Variants in SHTN1 observed in about 807,000 individuals in gnomAD.
SHTN1 encodes shootin-1.
Under a neutral mutation model 83.1 loss-of-function variants are expected in SHTN1, and 42 were observed. That is an observed-to-expected ratio of 0.51 (90% CI 0.39 to 0.65). The LOEUF (loss-of-function observed/expected upper bound fraction) is 0.65. Ranked by LOEUF, SHTN1 falls within the 30% of genes least tolerant of loss-of-function variation. SHTN1 has a pLI of 0.00. For synonymous variants in SHTN1, 224 were observed against 247.7 expected, an observed-to-expected ratio of 0.90 and a Z score of 0.90; for missense variants, 622 against 737.8, an observed-to-expected ratio of 0.84 and a Z score of 1.82.
At chr10:117,005,320 A>G, upstream of SHTN1, 1 of 1,311,940 alleles carries the variant, frequency 7.6e-7, no homozygotes, top group Non-Finnish European at 9.8e-7. Context: ...AGTCCCGTTC[A>G]GGGGGTGGAG....
intron 2 of SHTN1, among the ~76,000 whole-genome samples, chr10:117,024,667 A>G (rs1372063013): frequency 2.6e-5 from 4 of 151,974 alleles, no homozygotes; most frequent in Non-Finnish European, 5.9e-5. Context: ...CTACATGTAA[A>G]TTTTACCTTA....
chr10:116,912,303 A>C (rs1164195137), intron 13 of SHTN1, among the ~76,000 whole-genome samples: 1 of 152,204 alleles, frequency 6.6e-6, no homozygotes, highest in Non-Finnish European at 1.5e-5. Context: ...CAGCTCCACC[A>C]GCTATGGGAG....
At chr10:117,017,794 T>G (rs1554930763) in intron 2 of SHTN1, among the ~76,000 whole-genome samples, 1 of 152,138 alleles carries the variant, frequency 6.6e-6, no homozygotes, top group Non-Finnish European at 1.5e-5. Context: ...AGACGGCAGT[T>G]TAACTAAGTG....
chr10:116,881,584 C>A lies in SHTN1; in HGVS notation c.*4760G>T. On this transcript the variant is annotated 3_prime_UTR_variant, in exon 17 of 17. Coordinates refer to ENST00000355371, the MANE Select transcript of SHTN1 (RefSeq NM_001127211.3). Reference sequence around the variant, plus strand: ...GAAAAGGCTGCGGAGGCACTTGAGGCTGCTGCGGCTAGGGAGCCGCTGGTG... The same window carrying A: ...GAAAAGGCTGCGGAGGCACTTGAGGATGCTGCGGCTAGGGAGCCGCTGGTG... 1 of 1,550,382 alleles carries A rather than the reference C, an allele frequency of 6.5e-7. No individual in the cohort carries two copies. Among genetic ancestry groups the A allele is most frequent in the East Asian group, 2.4e-5 (1 of 40,904 alleles).
At chr10:117,109,666 G>T (rs1321699391) in intron 1 of SHTN1, among the ~76,000 whole-genome samples, 2 of 137,982 alleles carry the variant, frequency 1.4e-5, no homozygotes, top group Non-Finnish European at 1.5e-5. Flanking sequence ...CCAGGTTCAA[G>T]CAATTATCCT....
intron 1 of SHTN1, among the ~76,000 whole-genome samples, chr10:117,112,747 C>G (rs1259188077): frequency 6.6e-6 from 1 of 152,218 alleles, no homozygotes; most frequent in Admixed American, 6.5e-5. Flanking sequence ...TAAAATTTCT[C>G]TTCCTAACTC....
chr10:117,081,702 A>T (rs1302329627), intron 1 of SHTN1, among the ~76,000 whole-genome samples: 12 of 148,860 alleles, frequency 8.1e-5, no homozygotes, highest in African/African-American at 2.2e-4. Flanking sequence ...GATTATTGCC[A>T]CAATTTCAGA....
chr10:117,042,255 A>C lies in SHTN1; in HGVS notation c.-123+6190T>G, dbSNP rs912371128. Reference sequence around the variant, plus strand: ...AGTAGCACTTTCTATGTAATCAGAGAAATGTCATGCTCAGAAGCAAATTTA... The same window carrying C: ...AGTAGCACTTTCTATGTAATCAGAGCAATGTCATGCTCAGAAGCAAATTTA... On this transcript the variant is annotated intron_variant, in intron 2 of 17. Coordinates refer to the SHTN1 transcript ENST00000392901. Among the ~76,000 whole-genome samples the C allele has an allele frequency of 9.2e-5, 14 of 152,326 alleles. 1 individual carries two copies. Among genetic ancestry groups the C allele is most frequent in the Admixed American group, 8.5e-4 (13 of 15,302 alleles).
intron 1 of SHTN1, among the ~76,000 whole-genome samples, chr10:117,094,665 C>T (rs1009086347): frequency 5.3e-5 from 8 of 152,052 alleles, no homozygotes; most frequent in Non-Finnish European, 7.4e-5. Context: ...CTGGTTTGAA[C>T]TTAGAAAGAA....
intron 13 of SHTN1, 67 bp from the exon 14 acceptor site, chr10:116,911,910 T>C: frequency 8.8e-7 from 1 of 1,141,782 alleles, no homozygotes; most frequent in East Asian, 2.3e-5. Context: ...CAATGATTTT[T>C]ACATGGCAAA....
chr10:116,983,264 T>C (rs1229750238), intron 1 of SHTN1, among the ~76,000 whole-genome samples: 1 of 152,124 alleles, frequency 6.6e-6, no homozygotes, highest in African/African-American at 2.4e-5. Context: ...AGTTAACATA[T>C]AAAAGAGTAT....
chr10:117,061,630 CG>C (rs1852905094), intron 1 of SHTN1, among the ~76,000 whole-genome samples: 1 of 151,820 alleles, frequency 6.6e-6, no homozygotes, highest in Non-Finnish European at 1.5e-5. Context: ...CCACCATGCA[CG>C]GCCAATTTTG....
upstream of SHTN1, among the ~76,000 whole-genome samples, chr10:117,009,630 C>T (rs897986596): frequency 1.3e-5 from 2 of 152,040 alleles, no homozygotes; most frequent in Admixed American, 1.3e-4. Flanking sequence ...ACAAGCTGGG[C>T]ACGGTGGCTC....
intron 1 of SHTN1, among the ~76,000 whole-genome samples, chr10:117,096,180 A>G (rs976226269): frequency 6.9e-6 from 1 of 145,426 alleles, no homozygotes; most frequent in Non-Finnish European, 1.5e-5. Flanking sequence ...TCAAAAAAAT[A>G]AAGTGTAACG....
intron 1 of SHTN1, among the ~76,000 whole-genome samples, chr10:116,982,902 G>T (rs1205104573): frequency 6.6e-6 from 1 of 151,914 alleles, no homozygotes; most frequent in Non-Finnish European, 1.5e-5. Flanking sequence ...GGCGGAGGTT[G>T]CAGTGAGCCG....
At chr10:117,063,941 A>G (rs1006231977) in intron 1 of SHTN1, among the ~76,000 whole-genome samples, 12 of 152,210 alleles carry the variant, frequency 7.9e-5, no homozygotes, top group African/African-American at 2.4e-4. Context: ...AAGCTATAAT[A>G]TACTTTTCAC....
At chr10:117,041,144 A>G in intron 2 of SHTN1, among the ~76,000 whole-genome samples, 1 of 135,370 alleles carries the variant, frequency 7.4e-6, no homozygotes, top group East Asian at 2.2e-4. Context: ...GTTTTGTGTT[A>G]CTTATTTCTG....
intron 1 of SHTN1, among the ~76,000 whole-genome samples, chr10:117,066,829 G>A (rs1853007942): frequency 6.6e-6 from 1 of 152,164 alleles, no homozygotes; most frequent in Non-Finnish European, 1.5e-5. Flanking sequence ...TATTCTTAAT[G>A]CTAAACTATG....
rs1851114105 is a variant in SHTN1, at chr10:116,983,662, AG to A, written c.59-4355del. Among the ~76,000 whole-genome samples the A allele has an allele frequency of 2.8e-4, 24 of 85,800 alleles. No homozygotes were observed. The East Asian group carries it at 4.3e-3, about 15-fold the overall frequency. The allele number at this position is 85,800 out of a possible 152,430, so 56.3% of individuals were successfully genotyped here. A position where few individuals can be genotyped will look rare whatever the true frequency, so the allele number is the denominator to read the frequency against. Reference sequence around the variant, plus strand: ...TAGATAGATAGATAGATAGATAGATAGATAGATAGATAGATAGATAGATAAA... The same window carrying A: ...TAGATAGATAGATAGATAGATAGATAATAGATAGATAGATAGATAGATAAA... On this transcript the variant is annotated intron_variant, in intron 1 of 16. Transcript: ENST00000355371.
Sources: gnomAD v4.1 joint callset for allele counts (sites outside exome capture counted in the v4.1 genomes callset) on GRCh38, gnomAD v4.1.1 for gene constraint, MANE v1.5 for transcripts, NCBI Gene and HGNC (gene_info 2026-07-23, HGNC 2026-07-21) for gene names.